Variants in GRM3 observed in about 807,000 individuals in gnomAD.
GRM3 encodes the protein metabotropic glutamate receptor 3.
Under a neutral mutation model 70.5 loss-of-function variants are expected in GRM3, and 26 were observed. The ratio of observed to expected loss-of-function variants is 0.37; its 90% confidence interval spans 0.27 to 0.51. The LOEUF (loss-of-function observed/expected upper bound fraction) is 0.51, where lower values mean the gene tolerates loss of function less well. Among genes scored for constraint, GRM3 ranks in the 20% least tolerant of loss-of-function variants. GRM3 has a pLI of 0.93. For missense variants in GRM3, 859 were observed against 1,123.8 expected, an observed-to-expected ratio of 0.76 and a Z score of 3.37; for synonymous variants, 443 against 434.9, an observed-to-expected ratio of 1.02 and a Z score of -0.23.
chr7:86,723,354 T>C (rs984777531), intron 1 of GRM3, among the ~76,000 whole-genome samples: 5 of 152,178 alleles, frequency 3.3e-5, no homozygotes, highest in Non-Finnish European at 7.3e-5. Flanking sequence ...GCAAGTGATA[T>C]TCTTCTAGTA....
rs547590714 is a variant in GRM3, at chr7:86,777,553, T to C, written c.469-8708T>C. Among the ~76,000 whole-genome samples the C allele has an allele frequency of 7.9e-5, 12 of 152,312 alleles. No individual in the cohort carries two copies. The East Asian group carries it at 9.6e-4, about 12-fold the overall frequency. On this transcript the variant is annotated intron_variant, in intron 2 of 5. Transcript: ENST00000361669. ...CCTCTTCATATTATACTGCGTACAC[T>C]GGTATTTGCTATACTTCATTATACG...
chr7:86,689,028 G>A (rs909666016), intron 1 of GRM3, among the ~76,000 whole-genome samples: 4 of 149,244 alleles, frequency 2.7e-5, no homozygotes, highest in Admixed American at 6.7e-5. Context: ...GAATTCTTAG[G>A]AAATAATTCT....
At chr7:86,725,532 C>T (rs1456041672) in intron 1 of GRM3, among the ~76,000 whole-genome samples, 1 of 152,170 alleles carries the variant, frequency 6.6e-6, no homozygotes, top group Non-Finnish European at 1.5e-5. Context: ...TTTGTTACAG[C>T]AAGCCCTCCT....
In GRM3 at chr7:86,655,845, TGTGTGTGGGTGGGTGG is replaced by T. The variant is rs1196619211; in HGVS notation, c.-141+10981_-141+10996del. On this transcript the variant is annotated intron_variant, in intron 1 of 5. Coordinates refer to ENST00000361669, the MANE Select transcript of GRM3 (RefSeq NM_000840.3). ...CTGTGTGTGTGTGTGTGTGTGTGTG[TGTGTGTGGGTGGGTGG>T]GTGTGTGTGTATGTGTGTTTACTTC... Among the ~76,000 whole-genome samples, 16 of 136,526 alleles carry T rather than the reference TGTGTGTGGGTGGGTGG, an allele frequency of 1.2e-4. No homozygotes were observed. The Middle Eastern group carries it at 0.019, about 159-fold the overall frequency. 89.6% of individuals were successfully genotyped at this position (136,526 alleles called of 152,430 possible).
At chr7:86,795,252 G>GA (rs1491055500) in intron 3 of GRM3, among the ~76,000 whole-genome samples, 3 of 116,968 alleles carry the variant, frequency 2.6e-5, no homozygotes, top group Non-Finnish European at 5.9e-5. Context: ...GTCTAGGTTA[G>GA]TTTTTATTTT....
chr7:86,817,992 G>A (rs1308235663), intron 3 of GRM3, among the ~76,000 whole-genome samples: 1 of 151,862 alleles, frequency 6.6e-6, no homozygotes, highest in Non-Finnish European at 1.5e-5. Context: ...CATACGCTGA[G>A]CCTACCTCCT....
At chr7:86,710,345 C>G in intron 1 of GRM3, 1 of 151,040 alleles carries the variant, frequency 6.6e-6, no homozygotes, top group African/African-American at 2.4e-5. Context: ...GTGGTTATTC[C>G]TCTTCATGTT....
At chr7:86,692,751 A>G (rs1283606172) in intron 1 of GRM3, among the ~76,000 whole-genome samples, 10 of 152,210 alleles carry the variant, frequency 6.6e-5, no homozygotes, top group Non-Finnish European at 1.5e-4. Context: ...ATATTTTTTG[A>G]ATTAATAATC....
intron 3 of GRM3, among the ~76,000 whole-genome samples, chr7:86,808,623 T>C (rs529769565): frequency 4.6e-5 from 7 of 151,994 alleles, no homozygotes; most frequent in Admixed American, 3.9e-4. Context: ...TGTTTGTATG[T>C]GTGTGTGTTA....
chr7:86,710,697 C>G (rs7458462), intron 1 of GRM3, among the ~76,000 whole-genome samples: 57 of 151,892 alleles, frequency 3.8e-4, no homozygotes, highest in African/African-American at 1.3e-3. Flanking sequence ...GTTTCTTTCT[C>G]TGTAATTCCC....
At chr7:86,773,965 GT>G (rs1359580108) in intron 2 of GRM3, among the ~76,000 whole-genome samples, 2 of 152,078 alleles carry the variant, frequency 1.3e-5, no homozygotes, top group Admixed American at 1.3e-4. Flanking sequence ...TACACTGCAG[GT>G]CAGGTGTCTA....
chr7:86,719,128 G>C (rs539953593), intron 1 of GRM3, among the ~76,000 whole-genome samples: 80 of 151,180 alleles, frequency 5.3e-4, no homozygotes, highest in Non-Finnish European at 9.3e-4. Context: ...AGTTCTGGGG[G>C]AAAAAAAAGA....
At chr7:86,800,968 T>C (rs1797666590) in intron 3 of GRM3, among the ~76,000 whole-genome samples, 1 of 152,106 alleles carries the variant, frequency 6.6e-6, no homozygotes, top group South Asian at 2.1e-4. Flanking sequence ...TTATTTAAAT[T>C]GCACTTTGAG....
At chr7:86,721,759 C>T (rs1795469725) in intron 1 of GRM3, among the ~76,000 whole-genome samples, 1 of 151,958 alleles carries the variant, frequency 6.6e-6, no homozygotes, top group African/African-American at 2.4e-5. Context: ...GGGATGATAC[C>T]AAGAACCAAT....
intron 1 of GRM3, among the ~76,000 whole-genome samples, chr7:86,645,337 T>C (rs886886197): frequency 6.6e-6 from 1 of 152,182 alleles, no homozygotes; most frequent in Non-Finnish European, 1.5e-5. Context: ...ACCTGGTCCA[T>C]GCAGCCCAGA....
At chr7:86,848,768 A>G (rs895819013) in intron 4 of GRM3, among the ~76,000 whole-genome samples, 7 of 152,158 alleles carry the variant, frequency 4.6e-5, no homozygotes, top group African/African-American at 1.7e-4. Flanking sequence ...TCAAGACAGT[A>G]GCAAGTTTTA....
intron 1 of GRM3, among the ~76,000 whole-genome samples, chr7:86,684,750 C>T (rs1794520792): frequency 6.6e-6 from 1 of 152,152 alleles, no homozygotes; most frequent in Non-Finnish European, 1.5e-5. Flanking sequence ...TCCTATTCTT[C>T]AAGAATTCAG....
intron 1 of GRM3, among the ~76,000 whole-genome samples, chr7:86,682,930 G>A: frequency 6.6e-6 from 1 of 152,170 alleles, no homozygotes; most frequent in Non-Finnish European, 1.5e-5. Flanking sequence ...AGAAAAAGAG[G>A]CTGTCCATAG....
chr7:86,693,691 G>A (rs984134315), intron 1 of GRM3, among the ~76,000 whole-genome samples: 1 of 152,164 alleles, frequency 6.6e-6, no homozygotes, highest in Non-Finnish European at 1.5e-5. Flanking sequence ...ATCTCAGGTA[G>A]CAGGTTATCT....
Sources: gnomAD v4.1 joint callset for allele counts (sites outside exome capture counted in the v4.1 genomes callset) on GRCh38, gnomAD v4.1.1 for gene constraint, MANE v1.5 for transcripts, NCBI Gene and HGNC (gene_info 2026-07-23, HGNC 2026-07-21) for gene names.